Variants in PUS7L observed in about 807,000 individuals in gnomAD.
The protein encoded by PUS7L is pseudouridylate synthase PUS7L.
Under a neutral mutation model 51.1 loss-of-function variants are expected in PUS7L, and 49 were observed. The ratio of observed to expected loss-of-function variants is 0.96; its 90% CI spans 0.76 to 1.22. PUS7L has a LOEUF of 1.22. Ranked by LOEUF, PUS7L falls within the 50% of genes most tolerant of loss-of-function variation. The pLI is 0.00. For missense variants in PUS7L, 828 were observed against 820.6 expected, an observed-to-expected ratio of 1.01 and a Z score of -0.11; for synonymous variants, 277 against 276.2, an observed-to-expected ratio of 1.00 and a Z score of -0.03.
Position 43,754,684 on chromosome 12 carries a change from T to G in PUS7L, c.562A>C (p.Thr188Pro), listed in dbSNP as rs768031139. The G allele has an allele frequency of 1.9e-6, 3 of 1,613,696 alleles. No individual in the cohort carries two copies. Among genetic ancestry groups the G allele is most frequent in the Non-Finnish European group, 2.5e-6 (3 of 1,179,800 alleles). ...AIRQKFPFLV[T>P]VGKNSEIVVK... ...ACAATTTCACTGTTTTTTCCTACAG[T>G]TACTAAAAATGGAAATTTCTGCCTA... The change falls in exon 2 of 9, where the codon ACT becomes CCT. Residue 188 changes from threonine to proline, a missense_variant. By Grantham distance (38) the Thr-to-Pro change is conservative. Transcript: ENST00000344862.
In PUS7L at chr12:43,722,442, T is replaced by C. The variant is rs1164069545; in HGVS notation, c.*7934A>G. 6.6e-6 allele frequency: 1 copy of C among 152,124 alleles called. No individual in the cohort carries two copies. Among genetic ancestry groups the C allele is most frequent in the Non-Finnish European group, 1.5e-5 (1 of 67,994 alleles). 9.4% of individuals were successfully genotyped at this position (152,124 alleles called of 1,614,324 possible). A position where few individuals can be genotyped will look rare whatever the true frequency, so the allele number is the denominator to read the frequency against. On this transcript the variant is annotated 3_prime_UTR_variant, in exon 9 of 9. Coordinates refer to ENST00000344862, the MANE Select transcript of PUS7L (RefSeq NM_031292.5). Reference sequence around the variant, plus strand: ...CATAAAAAATAGTCATCAAATGTTTTCAATGCATTGGGATAATGCTCTTCC... The same window carrying C: ...CATAAAAAATAGTCATCAAATGTTTCCAATGCATTGGGATAATGCTCTTCC...
In PUS7L at chr12:43,723,227, A is replaced by G. The variant is rs1026823121; in HGVS notation, c.*7149T>C. On this transcript the variant is annotated 3_prime_UTR_variant, in exon 9 of 9. Coordinates refer to ENST00000344862, the MANE Select transcript of PUS7L (RefSeq NM_031292.5). The stretch of plus-strand genomic sequence containing the variant: ...ACTCCTGCCTCAAAGTTGCTGAGAA[A>G]ATGAATTGCTTAAGAAGATTAGAGT... The G allele has an allele frequency of 6.6e-6, 1 of 152,128 alleles. No homozygotes were observed. Among genetic ancestry groups the G allele is most frequent in the African/African-American group, 2.4e-5 (1 of 41,450 alleles). 9.4% of individuals were successfully genotyped at this position (152,128 alleles called of 1,614,324 possible).
At chr12:43,731,302 C>A (rs1044321743) in intron 8 of PUS7L, among the ~76,000 whole-genome samples, 7 of 152,266 alleles carry the variant, frequency 4.6e-5, no homozygotes, top group Admixed American at 3.9e-4. Context: ...ATGAATGAAT[C>A]TGAAATTCAC....
chr12:43,736,640 G>GA lies in PUS7L; in HGVS notation c.1465dup (p.Ser489PhefsTer5), dbSNP rs1944700674. ...ACGCACTTTGAATTCAGGCATCAAT[G>GA]AAAGTGTGCCTTTAGCATCCTCTGA... On this transcript the variant is annotated frameshift_variant, in exon 7 of 9. Coordinates refer to ENST00000344862, the MANE Select transcript of PUS7L (RefSeq NM_031292.5). LOFTEE classifies it high-confidence loss of function. The GA allele has an allele frequency of 6.2e-7, 1 of 1,613,852 alleles. No homozygotes were observed. Among genetic ancestry groups the GA allele is most frequent in the Non-Finnish European group, 8.5e-7 (1 of 1,179,814 alleles).
Position 43,754,963 on chromosome 12 carries a change from T to C in PUS7L, c.283A>G (p.Thr95Ala), listed in dbSNP as rs1299608614. The change falls in exon 2 of 9, where the codon ACT becomes GCT. Residue 95 changes from threonine to alanine, a missense_variant. Transcript: ENST00000344862. ...NQEVHTLIKYTDGDQNHQSGS... is the reference protein window; with the variant it reads ...NQEVHTLIKYADGDQNHQSGS... ...GACTGATGATTTTGGTCACCATCAGTGTACTTAATCAAAGTATGAACTTCT... is the reference window on the plus strand; with the variant it reads ...GACTGATGATTTTGGTCACCATCAGCGTACTTAATCAAAGTATGAACTTCT... 1 of 1,613,868 alleles carries C rather than the reference T, an allele frequency of 6.2e-7. No individual in the cohort carries two copies. The highest frequency in any genetic ancestry group is 8.5e-7 in the Non-Finnish European group (1 of 1,179,842).
intron 4 of PUS7L, among the ~76,000 whole-genome samples, chr12:43,744,762 A>G (rs539983779): frequency 1.3e-5 from 2 of 152,138 alleles, no homozygotes; most frequent in South Asian, 4.2e-4. Flanking sequence ...TTGTGTAAAA[A>G]GGTCTTTGTG....
intron 7 of PUS7L, among the ~76,000 whole-genome samples, chr12:43,734,621 C>G (rs1183069160): frequency 6.6e-6 from 1 of 152,064 alleles, no homozygotes; most frequent in East Asian, 1.9e-4. Flanking sequence ...AAAACCGGAC[C>G]ATGTTCTAGT....
intron 2 of PUS7L, among the ~76,000 whole-genome samples, chr12:43,753,164 T>A (rs1938537740): frequency 6.6e-6 from 1 of 152,206 alleles, no homozygotes; most frequent in Non-Finnish European, 1.5e-5. Context: ...AATGGATATA[T>A]CTGTTAACAC....
rs573922589 is a variant in PUS7L at position 43,729,165 on chromosome 12, C to T, written c.*1211G>A. On this transcript the variant is annotated 3_prime_UTR_variant, in exon 9 of 9. Transcript: ENST00000344862. ...CACATCATTTTACTTACTTTAGTTA[C>T]GTAATGCTGGACTTTGAAAACTGTT... 15 of 397,434 alleles carry T rather than the reference C, an allele frequency of 3.8e-5. No individual in the cohort carries two copies. The highest frequency in any genetic ancestry group is 2.5e-4 in the South Asian group (2 of 7,848). 24.6% of individuals were successfully genotyped at this position (397,434 alleles called of 1,614,324 possible).
intron 3 of PUS7L, among the ~76,000 whole-genome samples, chr12:43,747,655 T>C (rs1938235613): frequency 6.6e-6 from 1 of 152,016 alleles, no homozygotes; most frequent in Admixed American, 6.5e-5. Context: ...GATTGCGTGT[T>C]GCACTCCAGC....
intron 5 of PUS7L, chr12:43,739,430 T>G (rs560209551): frequency 4.0e-4 from 61 of 152,388 alleles, no homozygotes; most frequent in African/African-American, 1.4e-3. Context: ...CAGCCACAAA[T>G]ATCTTTTTTG....
At chr12:43,736,010 G>A (rs888362763) in intron 7 of PUS7L, among the ~76,000 whole-genome samples, 8 of 152,048 alleles carry the variant, frequency 5.3e-5, no homozygotes, top group African/African-American at 1.4e-4. Flanking sequence ...TCCTGACCTC[G>A]TGATCCGCCC....
In PUS7L at chr12:43,722,001, A is replaced by G. The variant is rs138901887; in HGVS notation, c.*8375T>C. 102 of 152,308 alleles carry G rather than the reference A, an allele frequency of 6.7e-4. No homozygotes were observed. The highest frequency in any genetic ancestry group is 2.3e-3 in the African/African-American group (95 of 41,582). 9.4% of individuals were successfully genotyped at this position (152,308 alleles called of 1,614,324 possible). A position where few individuals can be genotyped will look rare whatever the true frequency, so the allele number is the denominator to read the frequency against. ...TGTATAAGGTATATATGAAACATAA[A>G]TGAATTTTGTTTAGACTTGGGTCCC... is the stretch of plus-strand genomic sequence containing the variant. On this transcript the variant is annotated 3_prime_UTR_variant, in exon 9 of 9. Transcript: ENST00000344862.
chr12:43,750,004 C>T (rs768990206), intron 2 of PUS7L, among the ~76,000 whole-genome samples: 2 of 152,122 alleles, frequency 1.3e-5, no homozygotes, highest in Non-Finnish European at 2.9e-5. Context: ...ACACAATATA[C>T]CCTTGTAACA....
In PUS7L at chr12:43,730,493, G is replaced by C. The variant is rs1387820714; in HGVS notation, c.1989C>G (p.Val663=). The C allele has an allele frequency of 6.2e-7, 1 of 1,613,790 alleles. No individual in the cohort carries two copies. Among genetic ancestry groups the C allele is most frequent in the East Asian group, 2.2e-5 (1 of 44,836 alleles). ...YQLMEDHDID[V]KTKGSHIDET... Reference sequence around the variant, plus strand: ...CATCAATGTGGGAACCTTTCGTTTTGACATCAATGTCATGATCTTCCATTA... The same window carrying C: ...CATCAATGTGGGAACCTTTCGTTTTCACATCAATGTCATGATCTTCCATTA... Residue 663 remains valine (V), a synonymous_variant, in exon 9 of 9, where the codon GTC becomes GTG. Transcript: ENST00000344862.
At position 43,723,185 on chromosome 12, in the gene PUS7L, A is replaced by G. The variant is rs1214906484; in HGVS notation, c.*7191T>C. 6.6e-6 allele frequency: 1 copy of G among 152,150 alleles called. No homozygotes were observed. Among genetic ancestry groups the G allele is most frequent in the Non-Finnish European group, 1.5e-5 (1 of 67,972 alleles). 9.4% of individuals were successfully genotyped at this position (152,150 alleles called of 1,614,324 possible). On this transcript the variant is annotated 3_prime_UTR_variant, in exon 9 of 9. Coordinates refer to ENST00000344862, the MANE Select transcript of PUS7L (RefSeq NM_031292.5). Reference sequence around the variant, plus strand: ...CTTTTGTAAGAGATGGCCTATGTACACAGGCAGAGTAAATTAACTCCTGCC... The same window carrying G: ...CTTTTGTAAGAGATGGCCTATGTACGCAGGCAGAGTAAATTAACTCCTGCC...
At chr12:43,743,247 T>C (rs75860385) in intron 4 of PUS7L, among the ~76,000 whole-genome samples, 2,828 of 152,202 alleles carry the variant, frequency 0.019, 59 homozygotes, top group South Asian at 0.077. Context: ...ATTAAAGAAA[T>C]TGGTCAGTCA....
Position 43,754,528 on chromosome 12 carries a change from CTT to C in PUS7L, c.716_717del (p.Lys239ArgfsTer25). On this transcript the variant is annotated frameshift_variant, in exon 2 of 9. Transcript: ENST00000344862. LOFTEE classifies it high-confidence loss of function. ...SKFTFKPDTN[K>X]DHRKAVHHFV... ...AAATGGTGGACAGCTTTTCTGTGGTCTTTGTTTGTATCAGGTTTAAAGGTAAA... is the reference window on the plus strand; with the variant it reads ...AAATGGTGGACAGCTTTTCTGTGGTCTGTTTGTATCAGGTTTAAAGGTAAA... The C allele has an allele frequency of 1.9e-6, 3 of 1,612,836 alleles. No homozygotes were observed. The highest frequency in any genetic ancestry group is 1.7e-4 in the Middle Eastern group (1 of 6,048).
At position 43,725,992 on chromosome 12, in the gene PUS7L, G is replaced by A. The variant is rs1236695874; in HGVS notation, c.*4384C>T. ...CAGCTCACAAAAAAAAAATCAAGGT[G>A]TTTTAATTTTAATATTAGTAAAAGA... On this transcript the variant is annotated 3_prime_UTR_variant, in exon 9 of 9. Transcript: ENST00000344862. The A allele has an allele frequency of 6.6e-6, 1 of 152,076 alleles. No homozygotes were observed. The highest frequency in any genetic ancestry group is 1.5e-5 in the Non-Finnish European group (1 of 68,020). 9.4% of individuals were successfully genotyped at this position (152,076 alleles called of 1,614,324 possible).
Sources: gnomAD v4.1 joint callset for allele counts (sites outside exome capture counted in the v4.1 genomes callset) on GRCh38, gnomAD v4.1.1 for gene constraint, MANE v1.5 for transcripts, NCBI Gene and HGNC (gene_info 2026-07-23, HGNC 2026-07-21) for gene names.